The following KIAA1328 variants were observed in gnomAD, a reference collection of about 807,000 sequenced individuals.
KIAA1328 encodes protein hinderin.
Under a neutral mutation model 68.1 loss-of-function variants are expected in KIAA1328, and 52 were observed. The ratio of observed to expected loss-of-function variants is 0.76; its 90% confidence interval spans 0.61 to 0.96. The LOEUF is 0.96. KIAA1328 is among the 40% of genes least tolerant of loss of function. The pLI, the probability that KIAA1328 is intolerant of heterozygous loss-of-function variation, is 0.00. For missense variants in KIAA1328, 641 were observed against 677.6 expected (o/e 0.95, Z 0.60); for synonymous variants, 232 against 239.4 (o/e 0.97, Z 0.28).
At chr18:37,125,977 G>A (rs532134717) in intron 7 of KIAA1328, among the ~76,000 whole-genome samples, 1 of 152,218 alleles carries the variant, frequency 6.6e-6, no homozygotes, top group African/African-American at 2.4e-5. Flanking sequence ...ACTTGTGCGT[G>A]AATGTGTGCA....
rs374810107 is a variant in KIAA1328 at position 37,014,962 on chromosome 18, G to A, written c.577-51928G>A. Among the ~76,000 whole-genome samples the A allele has an allele frequency of 1.6e-4, 24 of 152,244 alleles. No individual in the cohort carries two copies. The East Asian group carries it at 3.5e-3, about 22-fold the overall frequency. ...TCTGTCGCCAGGCTGGAGTGCAGTG[G>A]CACGATCTCGGCTCACTGCAACTTC... is the stretch of plus-strand genomic sequence containing the variant. On this transcript the variant is annotated intron_variant, in intron 6 of 9. Coordinates refer to ENST00000280020, the MANE Select transcript of KIAA1328 (RefSeq NM_020776.3).
intron 5 of KIAA1328, among the ~76,000 whole-genome samples, chr18:36,950,541 A>T (rs568330662): frequency 1.3e-5 from 2 of 152,312 alleles, no homozygotes; most frequent in South Asian, 4.1e-4. Flanking sequence ...ATTTACTATG[A>T]TAAAGGTGCT....
intron 7 of KIAA1328, among the ~76,000 whole-genome samples, chr18:37,089,016 A>C (rs2057188551): frequency 6.6e-6 from 1 of 152,108 alleles, no homozygotes; most frequent in Admixed American, 6.5e-5. Context: ...TATATATTTG[A>C]AATCAAATTG....
At chr18:36,894,776 A>G (rs1349107895) in intron 5 of KIAA1328, among the ~76,000 whole-genome samples, 3 of 151,998 alleles carry the variant, frequency 2.0e-5, no homozygotes, top group Non-Finnish European at 2.9e-5. Flanking sequence ...CCTCTCACCT[A>G]GGTGTCCTAA....
At position 36,957,599 on chromosome 18, in the gene KIAA1328, G is replaced by A. The variant is rs1023904461; in HGVS notation, c.449-1709G>A. On this transcript the variant is annotated intron_variant, in intron 5 of 9. Coordinates refer to ENST00000280020, the MANE Select transcript of KIAA1328 (RefSeq NM_020776.3). Reference sequence around the variant, plus strand: ...AAATTATAAAATTATAAAACAAGTAGGGAGGTATGTGTTCAGAAAATTTCC... The same window carrying A: ...AAATTATAAAATTATAAAACAAGTAAGGAGGTATGTGTTCAGAAAATTTCC... Among the ~76,000 whole-genome samples, 27 of 152,046 alleles carry A rather than the reference G, an allele frequency of 1.8e-4. 1 individual carries two copies. Among genetic ancestry groups the A allele is most frequent in the South Asian group, 2.1e-4 (1 of 4,824 alleles).
intron 9 of KIAA1328, among the ~76,000 whole-genome samples, chr18:37,209,841 G>A (rs2060283218): frequency 6.6e-6 from 1 of 152,206 alleles, no homozygotes. Context: ...TTGGGAATGT[G>A]AGTGTGGAAC....
intron 8 of KIAA1328, among the ~76,000 whole-genome samples, chr18:37,172,667 C>G (rs1324368264): frequency 6.6e-6 from 1 of 152,146 alleles, no homozygotes; most frequent in Admixed American, 6.5e-5. Context: ...ATAAAACATC[C>G]CACCTCCTTG....
At chr18:36,860,784 A>C (rs1194373158) in intron 4 of KIAA1328, among the ~76,000 whole-genome samples, 1 of 152,204 alleles carries the variant, frequency 6.6e-6, no homozygotes, top group Non-Finnish European at 1.5e-5. Context: ...GCGTTTTGGC[A>C]GAATGAAAAT....
At chr18:36,873,882 C>G (rs377124966) in intron 4 of KIAA1328, among the ~76,000 whole-genome samples, 1 of 152,174 alleles carries the variant, frequency 6.6e-6, no homozygotes, top group African/African-American at 2.4e-5. Context: ...GTTCCCCTCC[C>G]TGTGCCCATA....
At chr18:36,983,381 T>TA (rs1289762271) in intron 6 of KIAA1328, among the ~76,000 whole-genome samples, 1 of 151,956 alleles carries the variant, frequency 6.6e-6, no homozygotes, top group Admixed American at 6.6e-5. Context: ...TTTATCTACT[T>TA]AAAAAACAGA....
At chr18:36,936,820 G>A (rs2050517297) in intron 5 of KIAA1328, among the ~76,000 whole-genome samples, 1 of 152,090 alleles carries the variant, frequency 6.6e-6, no homozygotes, top group Non-Finnish European at 1.5e-5. Flanking sequence ...ACTGGCATGA[G>A]ATGGTGTCTT....
At chr18:36,910,796 C>T (rs767199331) in intron 5 of KIAA1328, among the ~76,000 whole-genome samples, 2 of 152,074 alleles carry the variant, frequency 1.3e-5, no homozygotes, top group Non-Finnish European at 2.9e-5. Flanking sequence ...TCTTTTATTT[C>T]GTTGAGCAGT....
intron 5 of KIAA1328, among the ~76,000 whole-genome samples, chr18:36,909,457 A>G (rs2049349164): frequency 6.6e-6 from 1 of 152,298 alleles, no homozygotes; most frequent in African/African-American, 2.4e-5. Flanking sequence ...TACAAAGGAC[A>G]TGAACTCATC....
intron 7 of KIAA1328, among the ~76,000 whole-genome samples, chr18:37,094,467 A>C (rs2057349447): frequency 6.6e-6 from 1 of 152,232 alleles, no homozygotes; most frequent in African/African-American, 2.4e-5. Context: ...GGAATCCTTC[A>C]TGACTCTCAT....
intron 7 of KIAA1328, among the ~76,000 whole-genome samples, chr18:37,158,356 C>T (rs1360176873): frequency 6.6e-6 from 1 of 152,144 alleles, no homozygotes; most frequent in Non-Finnish European, 1.5e-5. Flanking sequence ...AGGTGATACC[C>T]ATTTGTGGTT....
At chr18:37,173,290 T>C (rs1225199984) in intron 9 of KIAA1328, among the ~76,000 whole-genome samples, 1 of 152,204 alleles carries the variant, frequency 6.6e-6, no homozygotes, top group Non-Finnish European at 1.5e-5. Flanking sequence ...ATCATGGTAA[T>C]GTAAGGGCTT....
intron 4 of KIAA1328, among the ~76,000 whole-genome samples, chr18:36,859,900 A>G (rs891912342): frequency 6.7e-6 from 1 of 149,514 alleles, no homozygotes; most frequent in Non-Finnish European, 1.5e-5. Context: ...TATAATAGAT[A>G]TGTAACTCAT....
chr18:36,853,920 A>G (rs2150854928), intron 4 of KIAA1328, among the ~76,000 whole-genome samples: 1 of 152,102 alleles, frequency 6.6e-6, no homozygotes, highest in South Asian at 2.1e-4. Context: ...AGCCTCCCAA[A>G]GTGCTGGGAT....
At chr18:36,952,067 C>T (rs761470130) in intron 5 of KIAA1328, among the ~76,000 whole-genome samples, 4 of 152,328 alleles carry the variant, frequency 2.6e-5, no homozygotes, top group Non-Finnish European at 5.9e-5. Flanking sequence ...TTCACTCATT[C>T]TGTCCCACTC....
Sources: allele counts gnomAD v4.1 joint callset (sites outside exome capture counted in the v4.1 genomes callset), GRCh38; gene constraint gnomAD v4.1.1; transcripts MANE v1.5; gene names NCBI Gene and HGNC (gene_info 2026-07-23, HGNC 2026-07-21).